Variants in IGSF21 observed in about 807,000 individuals in gnomAD.
IGSF21 encodes immunoglobulin superfamily member 21.
In IGSF21, 28 loss-of-function variants were observed where a neutral mutation model predicts 46.8. The ratio of observed to expected loss-of-function variants is 0.60; its 90% CI spans 0.44 to 0.82. IGSF21 has a LOEUF of 0.82. Among genes scored for constraint, IGSF21 ranks in the 40% least tolerant of loss-of-function variants. The pLI is 0.00. For missense variants in IGSF21, 624 were observed against 665.5 expected, an observed-to-expected ratio of 0.94 and a Z score of 0.69; for synonymous variants, 284 against 273.6, an observed-to-expected ratio of 1.04 and a Z score of -0.38.
At chr1:18,157,607 G>GCTGAAATCCTGA (rs1165987073) in intron 1 of IGSF21, among the ~76,000 whole-genome samples, 1 of 152,206 alleles carries the variant, frequency 6.6e-6, no homozygotes, top group East Asian at 1.9e-4. Context: ...AGCCCGGTCT[G>GCTGAAATCCTGA]GTACACACGT....
chr1:18,165,654 C>A (rs754380665), intron 1 of IGSF21, among the ~76,000 whole-genome samples: 9 of 152,154 alleles, frequency 5.9e-5, no homozygotes, highest in Non-Finnish European at 1.3e-4. Context: ...CTCTTAGAGG[C>A]AAAATTTGTT....
At chr1:18,192,409 T>C (rs1314829480) in intron 1 of IGSF21, among the ~76,000 whole-genome samples, 1 of 152,232 alleles carries the variant, frequency 6.6e-6, no homozygotes, top group African/African-American at 2.4e-5. Context: ...ACCTGCTTCA[T>C]AGAATTAATG....
chr1:18,217,490 G>A (rs992896303), intron 1 of IGSF21, among the ~76,000 whole-genome samples: 1 of 152,224 alleles, frequency 6.6e-6, no homozygotes, highest in African/African-American at 2.4e-5. Flanking sequence ...GTCTCTTACA[G>A]TTCCAGAGAC....
At position 18,352,028 on chromosome 1, in the gene IGSF21, A is replaced by G. The variant is rs540441570; in HGVS notation, c.425-10087A>G. 3.0e-4 allele frequency among the ~76,000 whole-genome samples: 45 copies of G among 152,318 alleles called. No homozygotes were observed. In the South Asian group the frequency reaches 9.1e-3, roughly 31 times the overall value. ...TGGAGACATTGACAAGTAGCCGATCAAGCCGTAAGTGGAAAGTTGCACCGG... is the reference window on the plus strand; with the variant it reads ...TGGAGACATTGACAAGTAGCCGATCGAGCCGTAAGTGGAAAGTTGCACCGG... On this transcript the variant is annotated intron_variant, in intron 4 of 9. Transcript: ENST00000251296.
In IGSF21 at chr1:18,260,107, T is replaced by A. The variant is rs568391979; in HGVS notation, c.184-31759T>A. 3.9e-5 allele frequency among the ~76,000 whole-genome samples: 6 copies of A among 152,318 alleles called. No homozygotes were observed. The East Asian group carries it at 1.2e-3, about 29-fold the overall frequency. On this transcript the variant is annotated intron_variant, in intron 2 of 9. Transcript: ENST00000251296. ...GCACAGTGCTTGGCACTTGGAATAT[T>A]CTTAACAAATGTTGGCTCCCTTTCC...
At chr1:18,174,273 G>A (rs893321784) in intron 1 of IGSF21, among the ~76,000 whole-genome samples, 2 of 152,144 alleles carry the variant, frequency 1.3e-5, no homozygotes, top group African/African-American at 2.4e-5. Flanking sequence ...CACCCCCGAG[G>A]CGTTGCAGGA....
chr1:18,259,149 G>A (rs1235130546), intron 2 of IGSF21, among the ~76,000 whole-genome samples: 2 of 152,152 alleles, frequency 1.3e-5, no homozygotes, highest in Non-Finnish European at 2.9e-5. Context: ...ACATCCCCTC[G>A]GGGCTGAGCC....
chr1:18,175,335 T>G (rs1180756346), intron 1 of IGSF21, among the ~76,000 whole-genome samples: 2 of 152,048 alleles, frequency 1.3e-5, no homozygotes, highest in Non-Finnish European at 2.9e-5. Flanking sequence ...GAAGCTAAGG[T>G]TGAAGGAGGT....
intron 4 of IGSF21, among the ~76,000 whole-genome samples, chr1:18,342,702 G>T (rs1050602537): frequency 6.6e-6 from 1 of 152,156 alleles, no homozygotes; most frequent in African/African-American, 2.4e-5. Flanking sequence ...GTCTTTTGTG[G>T]CTAGTTTCTT....
chr1:18,174,096 G>A (rs1370629930), intron 1 of IGSF21, among the ~76,000 whole-genome samples: 12 of 152,108 alleles, frequency 7.9e-5, no homozygotes, highest in Admixed American at 3.3e-4. Context: ...TGAATGTTCC[G>A]GGAAGCTCAA....
At chr1:18,320,167 T>C (rs929732333) in intron 3 of IGSF21, among the ~76,000 whole-genome samples, 53 of 152,292 alleles carry the variant, frequency 3.5e-4, no homozygotes, top group African/African-American at 1.2e-3. Flanking sequence ...CTAAGATAAA[T>C]ACCTATTACC....
intron 3 of IGSF21, among the ~76,000 whole-genome samples, chr1:18,313,160 G>A (rs1392216905): frequency 6.6e-6 from 1 of 152,194 alleles, no homozygotes; most frequent in East Asian, 1.9e-4. Flanking sequence ...AGAGGGACAG[G>A]GAGGACCGCC....
intron 4 of IGSF21, among the ~76,000 whole-genome samples, chr1:18,336,432 T>G (rs182869403): frequency 6.6e-6 from 1 of 152,292 alleles, no homozygotes; most frequent in East Asian, 1.9e-4. Flanking sequence ...ATTTTGCAGA[T>G]GCAGAAATGG....
intron 2 of IGSF21, among the ~76,000 whole-genome samples, chr1:18,244,976 C>G (rs1455121955): frequency 6.6e-6 from 1 of 152,132 alleles, no homozygotes; most frequent in African/African-American, 2.4e-5. Flanking sequence ...CTCCAGTTTC[C>G]TCATCTCATG....
At position 18,165,230 on chromosome 1, in the gene IGSF21, A is replaced by G. The variant is rs75996687; in HGVS notation, c.70+57032A>G. Among the ~76,000 whole-genome samples, 1,093 of 152,188 alleles carry G rather than the reference A, an allele frequency of 7.2e-3. 18 individuals carry two copies. The highest frequency in any genetic ancestry group is 0.025 in the African/African-American group (1,042 of 41,518). ...TACCACAAACTGGGTGGTTTAAACA[A>G]CAGAAATGGTTTTTCCCACAGTTCT... is the stretch of plus-strand genomic sequence containing the variant. On this transcript the variant is annotated intron_variant, in intron 1 of 9. Coordinates refer to ENST00000251296, the MANE Select transcript of IGSF21 (RefSeq NM_032880.5).
chr1:18,359,501 AAGGAAGG>A lies in IGSF21; in HGVS notation c.425-2612_425-2606del, dbSNP rs1306479178. On this transcript the variant is annotated intron_variant, in intron 4 of 9. Transcript: ENST00000251296. Reference sequence around the variant, plus strand: ...GAAGGAAGGAAGGAAGGAAGGAAGGAAGGAAGGAAGGAAAAGCAATCCTCTCCTCTCA... The same window carrying A: ...GAAGGAAGGAAGGAAGGAAGGAAGGAAAGGAAAAGCAATCCTCTCCTCTCA... Among the ~76,000 whole-genome samples, 731 of 83,912 alleles carry A rather than the reference AAGGAAGG, an allele frequency of 8.7e-3. 23 individuals are homozygous for A. The highest frequency in any genetic ancestry group is 0.03 in the African/African-American group (565 of 18,756). The allele number at this position is 83,912 out of a possible 152,430, so 55.0% of individuals were successfully genotyped here.
intron 1 of IGSF21, among the ~76,000 whole-genome samples, chr1:18,187,601 A>C (rs571821170): frequency 3.9e-5 from 6 of 152,216 alleles, no homozygotes; most frequent in African/African-American, 9.6e-5. Context: ...TCCCACTGGG[A>C]CCCTCCCACA....
chr1:18,113,502 C>T (rs2086161163), intron 1 of IGSF21: 1 of 152,124 alleles, frequency 6.6e-6, no homozygotes, highest in Admixed American at 6.5e-5. Flanking sequence ...CTTTAGTCCC[C>T]TCCCAGGAAA....
chr1:18,250,379 G>A (rs903638659), intron 2 of IGSF21, among the ~76,000 whole-genome samples: 17 of 151,974 alleles, frequency 1.1e-4, no homozygotes, highest in Admixed American at 4.6e-4. Flanking sequence ...ACGTACAGCT[G>A]CCCCGTCCAC....
Sources: gnomAD v4.1 joint callset for allele counts (sites outside exome capture counted in the v4.1 genomes callset) on GRCh38, gnomAD v4.1.1 for gene constraint, MANE v1.5 for transcripts, NCBI Gene and HGNC (gene_info 2026-07-23, HGNC 2026-07-21) for gene names.